The following NHLRC2 variants were observed in gnomAD, a reference collection of about 807,000 sequenced individuals.
The protein encoded by NHLRC2 is NHL repeat-containing protein 2.
NHLRC2 carries 33 observed loss-of-function variants against 68.1 expected under a neutral mutation model. The ratio of observed to expected loss-of-function variants is 0.48; its 90% CI spans 0.37 to 0.65. The LOEUF is 0.65. Among genes scored for constraint, NHLRC2 ranks in the 30% least tolerant of loss-of-function variants. The probability of loss-of-function intolerance (pLI) is 0.00; values close to 1 mark genes in which losing one functional copy is unlikely to be tolerated. For synonymous variants in NHLRC2, 311 were observed against 309.6 expected (o/e 1.00, Z -0.05); for missense variants, 761 against 853.8 (o/e 0.89, Z 1.35).
In NHLRC2 at chr10:113,854,957, G is replaced by C. The variant is rs997435253; in HGVS notation, c.85G>C (p.Val29Leu). 9 of 1,554,414 alleles carry C rather than the reference G, an allele frequency of 5.8e-6. No homozygotes were observed. The Admixed American group carries it at 7.8e-5, about 13-fold the overall frequency. Residue 29 changes from valine to leucine, a missense_variant, in exon 1 of 11, where the codon GTT becomes CTT. Val to Leu is a conservative substitution (Grantham distance 32). Transcript: ENST00000369301. Reference protein sequence around the residue: ...TSLEYALLDAVTQQEKDSLVY... With the variant: ...TSLEYALLDALTQQEKDSLVY... Reference sequence around the variant, plus strand: ...GCTAGAGTACGCCCTGCTCGACGCCGTTACCCAGCAGGAGAAGGACAGCCT... The same window carrying C: ...GCTAGAGTACGCCCTGCTCGACGCCCTTACCCAGCAGGAGAAGGACAGCCT...
In NHLRC2 at chr10:113,854,663, T is replaced by G; in HGVS notation, c.-210T>G. On this transcript the variant is annotated 5_prime_UTR_variant, in exon 1 of 11. Coordinates refer to ENST00000369301, the MANE Select transcript of NHLRC2 (RefSeq NM_198514.4). ...AGGGGCGGGGTGGGTCGGACGGCAG[T>G]TTAATTACGTCCCCGGGAACTGCGC... 7.6e-6 allele frequency: 4 copies of G among 526,512 alleles called. No homozygotes were observed. The highest frequency in any genetic ancestry group is 3.3e-5 in the Admixed American group (1 of 30,120). The allele number at this position is 526,512 out of a possible 1,614,324, so 32.6% of individuals were successfully genotyped here. A position where few individuals can be genotyped will look rare whatever the true frequency, so the allele number is the denominator to read the frequency against.
chr10:113,888,392 A>G (rs1846101814), intron 5 of NHLRC2, among the ~76,000 whole-genome samples: 1 of 152,220 alleles, frequency 6.6e-6, no homozygotes, highest in Non-Finnish European at 1.5e-5. Flanking sequence ...CAGTATACAC[A>G]TAGATCAAAA....
rs756891268 is a variant in NHLRC2, at chr10:113,903,627, A to G, written c.1595A>G (p.Asn532Ser). The stretch of plus-strand genomic sequence containing the variant: ...TCCAGTTTTACAGAGTCAACTTTTA[A>G]TGAACCAGGAGGCTTGTGTATTGGA... ...TSSSFTESTFNEPGGLCIGEN... is the reference protein window; with the variant it reads ...TSSSFTESTFSEPGGLCIGEN... Residue 532 changes from asparagine (N) to serine (S), a missense_variant, in exon 9 of 11, where the codon AAT becomes AGT. Asn to Ser is a conservative substitution (Grantham distance 46, BLOSUM62 1). Coordinates refer to ENST00000369301, the MANE Select transcript of NHLRC2 (RefSeq NM_198514.4). 1 of 1,607,166 alleles carries G rather than the reference A, an allele frequency of 6.2e-7. No individual in the cohort carries two copies. Among genetic ancestry groups the G allele is most frequent in the South Asian group, 1.1e-5 (1 of 90,928 alleles).
In NHLRC2 at chr10:113,915,740, G is replaced by A. The variant is rs1846377805; in HGVS notation, c.*7204G>A. 1 of 157,708 alleles carries A rather than the reference G, an allele frequency of 6.3e-6. No homozygotes were observed. The highest frequency in any genetic ancestry group is 2.4e-5 in the African/African-American group (1 of 41,424). The allele number at this position is 157,708 out of a possible 1,614,324, so 9.8% of individuals were successfully genotyped here. ...TGCAGCCTGGAACTCCTGGGCTCAG[G>A]ATCCTTCTGCTTCGGCCTCCTGAGT... On this transcript the variant is annotated 3_prime_UTR_variant, in exon 11 of 11. Transcript: ENST00000369301.
chr10:113,856,756 G>A (rs1845763457), intron 1 of NHLRC2, among the ~76,000 whole-genome samples: 1 of 152,132 alleles, frequency 6.6e-6, no homozygotes, highest in African/African-American at 2.4e-5. Context: ...TCCTGGACCC[G>A]ATTATTGAGG....
At chr10:113,881,202 C>T (rs1411837281) in intron 4 of NHLRC2, among the ~76,000 whole-genome samples, 1 of 151,836 alleles carries the variant, frequency 6.6e-6, no homozygotes, top group Non-Finnish European at 1.5e-5. Context: ...AGCCAGCCTG[C>T]AACATTCAGG....
rs1481603122 is a variant in NHLRC2 at position 113,911,493 on chromosome 10, A to G, written c.*2957A>G. ...TAACAGCCAGAAAAAAAAATTTACT[A>G]TGTGTATATTTATATAGGTGTGTGT... On this transcript the variant is annotated 3_prime_UTR_variant, in exon 11 of 11. Coordinates refer to ENST00000369301, the MANE Select transcript of NHLRC2 (RefSeq NM_198514.4). 1 of 152,114 alleles carries G rather than the reference A, an allele frequency of 6.6e-6. No homozygotes were observed. Among genetic ancestry groups the G allele is most frequent in the African/African-American group, 2.4e-5 (1 of 41,448 alleles). The allele number at this position is 152,114 out of a possible 1,614,324, so 9.4% of individuals were successfully genotyped here.
rs574732732 is a variant in NHLRC2, at chr10:113,907,985, A to G, written c.1925-295A>G. Among the ~76,000 whole-genome samples the G allele has an allele frequency of 2.6e-5, 4 of 152,326 alleles. No homozygotes were observed. The South Asian group carries it at 6.2e-4, about 24-fold the overall frequency. On this transcript the variant is annotated intron_variant, in intron 10 of 10. Transcript: ENST00000369301. Reference sequence around the variant, plus strand: ...TTTTAACTTTAGAGACTAAGGCTTTATAGCCATATTTGCAATATTCAGCTT... The same window carrying G: ...TTTTAACTTTAGAGACTAAGGCTTTGTAGCCATATTTGCAATATTCAGCTT...
In NHLRC2 at chr10:113,910,937, A is replaced by G. The variant is rs1224704690; in HGVS notation, c.*2401A>G. On this transcript the variant is annotated 3_prime_UTR_variant, in exon 11 of 11. Transcript: ENST00000369301. ...TTGAATAAAATCACACTTAAGCAAT[A>G]TAGATAGGTTCCTAGAATTTATGAC... is the stretch of plus-strand genomic sequence containing the variant. 6.6e-6 allele frequency: 1 copy of G among 152,232 alleles called. No homozygotes were observed. The highest frequency in any genetic ancestry group is 1.5e-5 in the Non-Finnish European group (1 of 68,018). 9.4% of individuals were successfully genotyped at this position (152,232 alleles called of 1,614,324 possible). A position where few individuals can be genotyped will look rare whatever the true frequency, so the allele number is the denominator to read the frequency against.
At position 113,873,348 on chromosome 10, in the gene NHLRC2, T is replaced by TAG. The variant is rs137856677; in HGVS notation, c.332-3170_332-3169dup. ...TGGATGGATGGAGATTTTATACATG[T>TAG]AGAGCTAACACCAAAACTAAGATGT... On this transcript the variant is annotated intron_variant, in intron 2 of 10. Transcript: ENST00000369301. Among the ~76,000 whole-genome samples, 414 of 152,262 alleles carry TAG rather than the reference T, an allele frequency of 2.7e-3. 2 individuals carry two copies. The highest frequency in any genetic ancestry group is 9.6e-3 in the African/African-American group (398 of 41,546).
chr10:113,883,075 T>C (rs2134714809), intron 4 of NHLRC2, among the ~76,000 whole-genome samples: 1 of 151,990 alleles, frequency 6.6e-6, no homozygotes, highest in African/African-American at 2.4e-5. Context: ...TAGCTTTTAA[T>C]AATGTTTGAA....
At chr10:113,903,461 A>T in intron 8 of NHLRC2, 66 bp from the exon 9 acceptor site, 1 of 945,198 alleles carries the variant, frequency 1.1e-6, no homozygotes, top group Non-Finnish European at 1.7e-6. Context: ...TTGATACCAT[A>T]CTCTTCCATA....
In NHLRC2 at chr10:113,909,165, T is replaced by C. The variant is rs1846301722; in HGVS notation, c.*629T>C. 1 of 152,246 alleles carries C rather than the reference T, an allele frequency of 6.6e-6. No homozygotes were observed. Among genetic ancestry groups the C allele is most frequent in the South Asian group, 2.1e-4 (1 of 4,830 alleles). The allele number at this position is 152,246 out of a possible 1,614,324, so 9.4% of individuals were successfully genotyped here. A position where few individuals can be genotyped will look rare whatever the true frequency, so the allele number is the denominator to read the frequency against. Reference sequence around the variant, plus strand: ...TATTTTTATTATAAATTATTTGTTATTTAACATACCATTATGAATGCCTTA... The same window carrying C: ...TATTTTTATTATAAATTATTTGTTACTTAACATACCATTATGAATGCCTTA... On this transcript the variant is annotated 3_prime_UTR_variant, in exon 11 of 11. Coordinates refer to ENST00000369301, the MANE Select transcript of NHLRC2 (RefSeq NM_198514.4).
chr10:113,887,551 C>G (rs1260041719), intron 5 of NHLRC2, among the ~76,000 whole-genome samples: 1 of 151,954 alleles, frequency 6.6e-6, no homozygotes, highest in African/African-American at 2.4e-5. Flanking sequence ...GGCCAGATCA[C>G]CTGAGGTCAG....
chr10:113,860,168 G>GT (rs894569718), intron 2 of NHLRC2, among the ~76,000 whole-genome samples: 3 of 152,038 alleles, frequency 2.0e-5, no homozygotes, highest in African/African-American at 4.8e-5. Flanking sequence ...TTTTTGATTT[G>GT]TTTTTTTAGT....
Position 113,879,578 on chromosome 10 carries a change from C to A in NHLRC2, c.792C>A (p.Pro264=). ...NGQIQYSIGG[P]NPGRKDGIFS... ...GCAAATTTTATCTTATTTTAGGACC[C>A]AACCCTGGAAGAAAAGATGGAATAT... is the stretch of plus-strand genomic sequence containing the variant. Residue 264 remains proline (P), a synonymous_variant, in exon 4 of 11, where the codon CCC becomes CCA. Transcript: ENST00000369301. 1 of 1,600,628 alleles carries A rather than the reference C, an allele frequency of 6.2e-7. No homozygotes were observed. The highest frequency in any genetic ancestry group is 8.5e-7 in the Non-Finnish European group (1 of 1,174,056).
chr10:113,869,983 G>A (rs1845907305), intron 2 of NHLRC2, among the ~76,000 whole-genome samples: 1 of 152,052 alleles, frequency 6.6e-6, no homozygotes, highest in Non-Finnish European at 1.5e-5. Flanking sequence ...GCCCAACCCT[G>A]AGTCAGCTAT....
intron 1 of NHLRC2, among the ~76,000 whole-genome samples, chr10:113,857,319 G>A (rs1235006537): frequency 1.3e-5 from 2 of 152,096 alleles, no homozygotes; most frequent in East Asian, 3.8e-4. Context: ...ACATTAATTA[G>A]TCTGAAGTTT....
chr10:113,902,386 C>G, intron 7 of NHLRC2, 85 bp from the exon 8 acceptor site: 2 of 862,158 alleles, frequency 2.3e-6, no homozygotes, highest in Non-Finnish European at 3.6e-6. Flanking sequence ...CCATTTGTAA[C>G]TGTTTGAATT....
Sources: gnomAD v4.1 joint callset for allele counts (sites outside exome capture counted in the v4.1 genomes callset) on GRCh38, gnomAD v4.1.1 for gene constraint, MANE v1.5 for transcripts, NCBI Gene and HGNC (gene_info 2026-07-23, HGNC 2026-07-21) for gene names.